Variants in SLC17A7 observed in about 807,000 individuals in gnomAD.
SLC17A7 encodes solute carrier family 17 member 7.
A neutral mutation model predicts 59.1 loss-of-function variants in SLC17A7; 15 were observed. That is an observed-to-expected ratio of 0.25 (90% CI 0.17 to 0.39). The LOEUF (loss-of-function observed/expected upper bound fraction) is 0.39, where lower values mean the gene tolerates loss of function less well. Among genes scored for constraint, SLC17A7 ranks in the 10% least tolerant of loss-of-function variants. The probability of loss-of-function intolerance (pLI) is 1.00; values close to 1 mark genes in which losing one functional copy is unlikely to be tolerated. For missense variants in SLC17A7, 499 were observed against 765.1 expected (o/e 0.65, Z 4.10); for synonymous variants, 353 against 308.9 (o/e 1.14, Z -1.50).
At position 49,436,886 on chromosome 19, in the gene SLC17A7, C is replaced by T. The variant is rs1262230332; in HGVS notation, c.63-85G>A. On this transcript the variant is annotated intron_variant, in intron 1 of 11. Transcript: ENST00000221485. The surrounding 1 kb of genome is among the most constrained non-coding windows in gnomAD (Gnocchi z 4.1). Reference sequence around the variant, plus strand: ...AGACCAGGATCCAGGGCAAAACCTGCTTTTCAACATCCAGAATTCTAAGCC... The same window carrying T: ...AGACCAGGATCCAGGGCAAAACCTGTTTTTCAACATCCAGAATTCTAAGCC... The T allele has an allele frequency of 2.7e-6, 4 of 1,508,254 alleles. No individual in the cohort carries two copies. In the African/African-American group the frequency reaches 5.7e-5, roughly 22 times the overall value. The allele number at this position is 1,508,254 out of a possible 1,614,324, so 93.4% of individuals were successfully genotyped here.
Position 49,431,155 on chromosome 19 carries a change from C to G in SLC17A7, c.1262-13G>C. On this transcript the variant is annotated splice_polypyrimidine_tract_variant and intron_variant, in intron 10 of 11. Coordinates refer to ENST00000221485, the MANE Select transcript of SLC17A7 (RefSeq NM_020309.4). The surrounding 1 kb of genome is among the most constrained non-coding windows in gnomAD (Gnocchi z 4.6). ...TTCACGTTGAACCCTGGCGGAGAGA[C>G]AAGTCGGAAGGCGTCACACCGGAAT... is the stretch of plus-strand genomic sequence containing the variant. 1 of 1,610,722 alleles carries G rather than the reference C, an allele frequency of 6.2e-7. No individual in the cohort carries two copies. Among genetic ancestry groups the G allele is most frequent in the East Asian group, 2.2e-5 (1 of 44,766 alleles).
intron 5 of SLC17A7, among the ~76,000 whole-genome samples, chr19:49,434,380 T>A (rs1186472561): frequency 4.2e-5 from 6 of 142,128 alleles, no homozygotes; most frequent in African/African-American, 1.6e-4. Flanking sequence ...CCCTCCTCCC[T>A]CAGACCCAAG....
At chr19:49,432,694 C>G in intron 8 of SLC17A7, 43 bp from the exon 9 acceptor site, 1 of 1,605,256 alleles carries the variant, frequency 6.2e-7, no homozygotes, top group Middle Eastern at 2.1e-4. Flanking sequence ...TCGGGGCCGC[C>G]GGCTCGGCGT....
Position 49,440,027 on chromosome 19 carries a change from G to A in SLC17A7, c.62+1291C>T, listed in dbSNP as rs967760795. ...AGGGTGGGGAGGGGCTGGAAAATTGGAAAAAGAAGGGGTGAGGTTATCTCA... is the reference window on the plus strand; with the variant it reads ...AGGGTGGGGAGGGGCTGGAAAATTGAAAAAAGAAGGGGTGAGGTTATCTCA... On this transcript the variant is annotated intron_variant, in intron 1 of 11. Transcript: ENST00000221485. Among the ~76,000 whole-genome samples the A allele has an allele frequency of 2.0e-5, 3 of 152,172 alleles. No homozygotes were observed. In the South Asian group the frequency reaches 6.2e-4, roughly 32 times the overall value.
At position 49,432,440 on chromosome 19, in the gene SLC17A7, A is replaced by G. The variant is rs974946432; in HGVS notation, c.1150+79T>C. 3.3e-6 allele frequency: 5 copies of G among 1,520,338 alleles called. No individual in the cohort carries two copies. In the African/African-American group the frequency reaches 5.5e-5, roughly 17 times the overall value. 94.2% of individuals were successfully genotyped at this position (1,520,338 alleles called of 1,614,324 possible). On this transcript the variant is annotated intron_variant, in intron 9 of 11. Transcript: ENST00000221485. The stretch of plus-strand genomic sequence containing the variant: ...GCAGGCTGGATGGTTTCCGCCTGTA[A>G]CCACTCCCCATCACCTCTCAATCCG...
chr19:49,432,037 G>A (rs755897634), intron 9 of SLC17A7, among the ~76,000 whole-genome samples: 1 of 152,074 alleles, frequency 6.6e-6, no homozygotes, highest in Non-Finnish European at 1.5e-5. Flanking sequence ...AGCTCACTGC[G>A]GCCTCGCAGT....
At position 49,436,389 on chromosome 19, in the gene SLC17A7, G is replaced by A. The variant is rs369992109; in HGVS notation, c.315+160C>T. Among the ~76,000 whole-genome samples the A allele has an allele frequency of 5.3e-5, 8 of 152,302 alleles. No homozygotes were observed. Among genetic ancestry groups the A allele is most frequent in the African/African-American group, 1.9e-4 (8 of 41,554 alleles). On this transcript the variant is annotated intron_variant, in intron 2 of 11. Coordinates refer to ENST00000221485, the MANE Select transcript of SLC17A7 (RefSeq NM_020309.4). This position sits in a 1 kb window ranked among gnomAD's most constrained non-coding sequence, Gnocchi z 4.1. ...GAAACGGAGGCGGCCCCTAAGGCGA[G>A]GTCAGAACTAAGGGGCGCACGGATT...
chr19:49,438,493 C>T (rs1013557117), intron 1 of SLC17A7, among the ~76,000 whole-genome samples: 4 of 151,812 alleles, frequency 2.6e-5, no homozygotes, highest in Admixed American at 6.6e-5. Context: ...AACAGCCAGA[C>T]GGTCCAGGGG....
intron 3 of SLC17A7, 63 bp downstream of exon 3, chr19:49,435,105 A>T: frequency 3.9e-6 from 5 of 1,294,554 alleles, no homozygotes; most frequent in Non-Finnish European, 5.6e-6. Context: ...ATTCAAGACC[A>T]CGCCCTCTAA....
In SLC17A7 at chr19:49,441,363, T is replaced by C. The variant is rs1431351867; in HGVS notation, c.17A>G (p.Glu6Gly). 1.2e-6 allele frequency: 2 copies of C among 1,602,638 alleles called. No individual in the cohort carries two copies. The highest frequency in any genetic ancestry group is 3.4e-5 in the Admixed American group (2 of 59,200). Residue 6 changes from glutamate to glycine, a missense_variant, in exon 1 of 12, where the codon GAG becomes GGG. Physicochemically the swap from Glu to Gly is moderately conservative, Grantham distance 98 (BLOSUM62 -2). Around this residue, in one of 3 missense-constraint regions of SLC17A7, gnomAD observed 78 missense variants for 80.4 expected, o/e 0.97. Transcript: ENST00000221485. MEFRQ[E>G]EFRKLAGRAL... ...ACGACCCGCTAGCTTCCGAAACTCC[T>C]CCTGGCGGAACTCCATGGTGGCGGC...
At chr19:49,435,101 G>A in intron 3 of SLC17A7, 67 bp downstream of exon 3, 2 of 1,280,942 alleles carry the variant, frequency 1.6e-6, no homozygotes, top group Non-Finnish European at 2.3e-6. Context: ...GCAAATTCAA[G>A]ACCACGCCCT....
Position 49,431,710 on chromosome 19 carries a change from A to T in SLC17A7, c.1151-262T>A, listed in dbSNP as rs982386509. ...CGTAGCTCCACCCCTTGACTAGGCC[A>T]CTCCCCGAACACGCAGGATCCCTGC... is the stretch of plus-strand genomic sequence containing the variant. On this transcript the variant is annotated intron_variant, in intron 9 of 11. Coordinates refer to ENST00000221485, the MANE Select transcript of SLC17A7 (RefSeq NM_020309.4). The surrounding 1 kb of genome is among the most constrained non-coding windows in gnomAD (Gnocchi z 4.6). 6.8e-6 allele frequency among the ~76,000 whole-genome samples: 1 copy of T among 146,502 alleles called. No homozygotes were observed. Among genetic ancestry groups the T allele is most frequent in the African/African-American group, 2.5e-5 (1 of 39,530 alleles).
chr19:49,434,418 C>G (rs1274100942), intron 5 of SLC17A7, among the ~76,000 whole-genome samples, 184 bp downstream of exon 5: 1 of 151,056 alleles, frequency 6.6e-6, no homozygotes, highest in Non-Finnish European at 1.5e-5. Flanking sequence ...CCTCCTCTCT[C>G]AGACCCAGGA....
rs1260415641 is a variant in SLC17A7, at chr19:49,436,518, G to A, written c.315+31C>T. On this transcript the variant is annotated intron_variant, in intron 2 of 11. Transcript: ENST00000221485. The surrounding 1 kb of genome is among the most constrained non-coding windows in gnomAD (Gnocchi z 4.1). ...TAGGCGGAGCTCGGTGAGCGGGGCGGGGCTCTGCAAGGGCTCAGGCCTTGA... is the reference window on the plus strand; with the variant it reads ...TAGGCGGAGCTCGGTGAGCGGGGCGAGGCTCTGCAAGGGCTCAGGCCTTGA... 5 of 1,602,226 alleles carry A rather than the reference G, an allele frequency of 3.1e-6. No homozygotes were observed. The highest frequency in any genetic ancestry group is 4.3e-6 in the Non-Finnish European group (5 of 1,175,340).
chr19:49,437,855 C>T (rs918197303), intron 1 of SLC17A7: 3 of 126,348 alleles, frequency 2.4e-5, no homozygotes, highest in African/African-American at 9.8e-5. Flanking sequence ...GAGAGAGGAA[C>T]AGAGACCCAG....
Position 49,430,536 on chromosome 19 carries a change from G to C in SLC17A7, c.1666C>G (p.Pro556Ala). The C allele has an allele frequency of 6.3e-7, 1 of 1,583,848 alleles. No individual in the cohort carries two copies. Among genetic ancestry groups the C allele is most frequent in the Non-Finnish European group, 8.6e-7 (1 of 1,163,910 alleles). ...STFQPPRPPPPVRDY is the reference protein window; with the variant it reads ...STFQPPRPPPAVRDY ...GCACATGGTCAGTAGTCCCGGACAG[G>C]GGGTGGGGGCCTGGGGGGCTGAAAT... The change falls in exon 12 of 12, where the codon CCT becomes GCT. Residue 556 changes from proline to alanine, a missense_variant. This residue lies in a region of SLC17A7 where 98 missense variants were observed against 77.5 expected (regional missense o/e 1.27). Coordinates refer to ENST00000221485, the MANE Select transcript of SLC17A7 (RefSeq NM_020309.4).
At position 49,431,433 on chromosome 19, in the gene SLC17A7, G is replaced by A; in HGVS notation, c.1166C>T (p.Ala389Val). ...LMNCGGFGMEATLLLVVGYSH... is the reference protein window; with the variant it reads ...LMNCGGFGMEVTLLLVVGYSH... The stretch of plus-strand genomic sequence containing the variant: ...GTAGCCGACCACCAACAGCAGCGTG[G>A]CTTCCATGCCGAAGCCTACGGGGGC... Residue 389 changes from alanine (A) to valine (V), a missense_variant, in exon 10 of 12, where the codon GCC (alanine) becomes GTC (valine). By Grantham distance (64) the Ala-to-Val change is moderately conservative. Transcript: ENST00000221485. The surrounding 1 kb of genome is among the most constrained non-coding windows in gnomAD (Gnocchi z 4.6). 1 of 1,613,904 alleles carries A rather than the reference G, an allele frequency of 6.2e-7. No individual in the cohort carries two copies. The highest frequency in any genetic ancestry group is 8.5e-7 in the Non-Finnish European group (1 of 1,179,966).
At chr19:49,439,050 C>T (rs1166840553) in intron 1 of SLC17A7, among the ~76,000 whole-genome samples, 1 of 151,996 alleles carries the variant, frequency 6.6e-6, no homozygotes, top group Non-Finnish European at 1.5e-5. Context: ...AAGGGAGACC[C>T]TAGATGTAAA....
chr19:49,437,927 G>A (rs2078986062), intron 1 of SLC17A7: 1 of 150,604 alleles, frequency 6.6e-6, no homozygotes, highest in Admixed American at 6.6e-5. Flanking sequence ...CAGAGACCCA[G>A]AGAGAGAGGG....
Sources: gnomAD v4.1 joint callset for allele counts (sites outside exome capture counted in the v4.1 genomes callset) on GRCh38, gnomAD v4.1.1 for gene constraint, gnomAD v4.1.1 regional missense constraint, Gnocchi (gnomAD v3.1) non-coding constraint, MANE v1.5 for transcripts, NCBI Gene and HGNC (gene_info 2026-07-23, HGNC 2026-07-21) for gene names.